Variants in PDGFRA observed in about 807,000 individuals in gnomAD.
The protein encoded by PDGFRA is platelet-derived growth factor receptor alpha.
Under a neutral mutation model 121.5 loss-of-function variants are expected in PDGFRA, and 25 were observed. That is an observed-to-expected ratio of 0.21 (90% CI 0.15 to 0.29). PDGFRA has a LOEUF of 0.29. Among genes scored for constraint, PDGFRA ranks in the 10% least tolerant of loss-of-function variants. The pLI is 1.00. For synonymous variants in PDGFRA, 463 were observed against 494.8 expected (o/e 0.94, Z 0.85); for missense variants, 1,008 against 1,345.1 (o/e 0.75, Z 3.92).
chr4:54,267,459 T>A lies in PDGFRA; in HGVS notation c.930T>A (p.His310Gln). ...TGAAGAAAGTCACTATTTCTGTCCA[T>A]GGTACATTCCGCTTTCTAAAATGTC... The part of the protein sequence containing the change: ...KEMKKVTISV[H>Q]EKGFIEIKPT... The change falls in exon 6 of 23, where the codon CAT becomes CAA. Residue 310 changes from histidine to glutamine, a missense_variant and splice_region_variant. Physicochemically the swap from His to Gln is conservative, Grantham distance 24 (BLOSUM62 0). Coordinates refer to ENST00000257290, the MANE Select transcript of PDGFRA (RefSeq NM_006206.6). 6.2e-7 allele frequency: 1 copy of A among 1,614,144 alleles called. No homozygotes were observed. The highest frequency in any genetic ancestry group is 1.1e-5 in the South Asian group (1 of 91,088).
intron 4 of PDGFRA, 78 bp from the exon 5 acceptor site, chr4:54,264,841 A>G: frequency 7.1e-7 from 1 of 1,411,760 alleles, no homozygotes; most frequent in East Asian, 2.3e-5. Context: ...TCTTAAAAAA[A>G]AAAAAAAAAA....
chr4:54,271,303 G>A (rs1197790066), intron 8 of PDGFRA, among the ~76,000 whole-genome samples: 1 of 152,144 alleles, frequency 6.6e-6, no homozygotes, highest in Non-Finnish European at 1.5e-5. Context: ...GCTGTCTGAG[G>A]TGCGCTCATG....
At chr4:54,269,874 A>T (rs1723245267) in intron 7 of PDGFRA, among the ~76,000 whole-genome samples, 1 of 151,206 alleles carries the variant, frequency 6.6e-6, no homozygotes, top group Non-Finnish European at 1.5e-5. Flanking sequence ...CTGGTCTCGA[A>T]CTCCTGACCT....
intron 1 of PDGFRA, among the ~76,000 whole-genome samples, chr4:54,235,675 G>A (rs991580691): frequency 2.0e-5 from 3 of 152,162 alleles, no homozygotes; most frequent in African/African-American, 7.2e-5. Flanking sequence ...CATGTCTCCA[G>A]GAGGTAGGAG....
chr4:54,245,535 G>C (rs1284860418), intron 1 of PDGFRA, among the ~76,000 whole-genome samples: 1 of 152,182 alleles, frequency 6.6e-6, no homozygotes, highest in Non-Finnish European at 1.5e-5. Flanking sequence ...TCACCACCAG[G>C]CCTGCCCTAA....
At chr4:54,275,565 G>A (rs1178050744) in intron 12 of PDGFRA, among the ~76,000 whole-genome samples, 1 of 152,200 alleles carries the variant, frequency 6.6e-6, no homozygotes, top group African/African-American at 2.4e-5. Context: ...ATGAATGAAA[G>A]CAAGACAAAG....
chr4:54,241,045 A>G (rs1721269301), intron 1 of PDGFRA, among the ~76,000 whole-genome samples: 1 of 152,248 alleles, frequency 6.6e-6, no homozygotes, highest in South Asian at 2.1e-4. Flanking sequence ...AATAAGTCCA[A>G]GCATTTCTCA....
intron 15 of PDGFRA, 108 bp downstream of exon 15, chr4:54,278,623 A>G: frequency 1.8e-6 from 2 of 1,083,186 alleles, no homozygotes; most frequent in Non-Finnish European, 2.8e-6. Context: ...TGCCCAAGGT[A>G]GCAAGACTTA....
intron 14 of PDGFRA, 103 bp downstream of exon 14, chr4:54,278,109 A>G: frequency 5.1e-6 from 4 of 783,278 alleles, no homozygotes; most frequent in Non-Finnish European, 9.0e-6. Flanking sequence ...CACACATGGC[A>G]GGGAATAGAA....
chr4:54,291,521 G>GAA (rs36057018), intron 22 of PDGFRA, among the ~76,000 whole-genome samples: 1 of 152,022 alleles, frequency 6.6e-6, no homozygotes, highest in Non-Finnish European at 1.5e-5. Context: ...ACAAGCATAT[G>GAA]AAAAAATGCT....
chr4:54,254,937 G>A (rs1472629327), intron 1 of PDGFRA, among the ~76,000 whole-genome samples: 1 of 152,184 alleles, frequency 6.6e-6, no homozygotes, highest in Middle Eastern at 3.2e-3. Flanking sequence ...GGAGGGTTGT[G>A]TAATTTGCCC....
intron 1 of PDGFRA, among the ~76,000 whole-genome samples, chr4:54,248,646 A>G (rs1721843112): frequency 6.6e-6 from 1 of 152,368 alleles, no homozygotes; most frequent in Admixed American, 6.5e-5. Context: ...CATTCAGGAC[A>G]TAGGGCATGG....
At chr4:54,288,577 TG>T (rs1294880995) in intron 19 of PDGFRA, among the ~76,000 whole-genome samples, 2 of 152,334 alleles carry the variant, frequency 1.3e-5, no homozygotes, top group East Asian at 3.9e-4. Context: ...GTAGAATTTT[TG>T]TGATGGTACT....
intron 5 of PDGFRA, 87 bp from the exon 6 acceptor site, chr4:54,267,202 A>G (rs1723072996): frequency 1.6e-6 from 2 of 1,269,480 alleles, no homozygotes; most frequent in Admixed American, 1.7e-5. Flanking sequence ...TGACACATCC[A>G]TATCATCCAG....
At position 54,267,612 on chromosome 4, in the gene PDGFRA, A is replaced by T; in HGVS notation, c.992A>T (p.Glu331Val). The change falls in exon 7 of 23, where the codon GAA becomes GTA. Residue 331 changes from glutamate to valine, a missense_variant. This residue lies in a region of PDGFRA where 575 missense variants were observed against 701.8 expected (regional missense o/e 0.82). Coordinates refer to ENST00000257290, the MANE Select transcript of PDGFRA (RefSeq NM_006206.6). ...CAGTTGGAAGCTGTCAACCTGCATGAAGTCAAACATTTTGTTGTAGAGGTG... is the reference window on the plus strand; with the variant it reads ...CAGTTGGAAGCTGTCAACCTGCATGTAGTCAAACATTTTGTTGTAGAGGTG... Reference protein sequence around the residue: ...FSQLEAVNLHEVKHFVVEVRA... With the variant: ...FSQLEAVNLHVVKHFVVEVRA... The T allele has an allele frequency of 6.2e-7, 1 of 1,614,210 alleles. No individual in the cohort carries two copies. The highest frequency in any genetic ancestry group is 8.5e-7 in the Non-Finnish European group (1 of 1,180,034).
At chr4:54,275,894 T>C (rs1723692841) in intron 12 of PDGFRA, among the ~76,000 whole-genome samples, 1 of 152,216 alleles carries the variant, frequency 6.6e-6, no homozygotes, top group African/African-American at 2.4e-5. Context: ...ACTTAGTTTA[T>C]AGTTTGACTT....
intron 19 of PDGFRA, 104 bp from the exon 20 acceptor site, chr4:54,288,695 G>T: frequency 1.3e-6 from 1 of 782,126 alleles, no homozygotes; most frequent in South Asian, 1.4e-5. Flanking sequence ...GTGCTTCAAG[G>T]CTATAGGATC....
At position 54,278,117 on chromosome 4, in the gene PDGFRA, G is replaced by T. The variant is rs181242016; in HGVS notation, c.2002+111G>T. 22 of 766,538 alleles carry T rather than the reference G, an allele frequency of 2.9e-5. No individual in the cohort carries two copies. In the East Asian group the frequency reaches 5.8e-4, roughly 20 times the overall value. 47.5% of individuals were successfully genotyped at this position (766,538 alleles called of 1,614,324 possible). A position where few individuals can be genotyped will look rare whatever the true frequency, so the allele number is the denominator to read the frequency against. On this transcript the variant is annotated intron_variant, in intron 14 of 22. Transcript: ENST00000257290. ...CCATCCCCACACATGGCAGGGAATA[G>T]AAGTCCCTTGAATGGAGCTGACTGG... is the stretch of plus-strand genomic sequence containing the variant.
intron 3 of PDGFRA, among the ~76,000 whole-genome samples, chr4:54,261,931 A>ATTTT (rs34880395): frequency 0.022 from 1,294 of 58,326 alleles, 51 homozygotes; most frequent in Admixed American, 0.071. Flanking sequence ...ATATATATAT[A>ATTTT]TTTTTTTTTT....
Sources: allele counts gnomAD v4.1 joint callset (sites outside exome capture counted in the v4.1 genomes callset), GRCh38; gene constraint gnomAD v4.1.1; regional missense constraint gnomAD v4.1.1; transcripts MANE v1.5; gene names NCBI Gene and HGNC (gene_info 2026-07-23, HGNC 2026-07-21).